The following RPH3AL variants were observed in gnomAD, a reference collection of about 807,000 sequenced individuals.
RPH3AL encodes rab effector Noc2.
A neutral mutation model predicts 43.1 loss-of-function variants in RPH3AL; 38 were observed. That is an observed-to-expected ratio of 0.88 (90% CI 0.68 to 1.15). RPH3AL has a LOEUF of 1.15. RPH3AL is among the 50% of genes most tolerant of loss of function. The probability of loss-of-function intolerance (pLI) is 0.00; values close to 1 mark genes in which losing one functional copy is unlikely to be tolerated. For synonymous variants in RPH3AL, 189 were observed against 176.3 expected, an observed-to-expected ratio of 1.07 and a Z score of -0.57; for missense variants, 462 against 423.2, an observed-to-expected ratio of 1.09 and a Z score of -0.81.
At chr17:271,820 C>T (rs903363283) in intron 6 of RPH3AL, among the ~76,000 whole-genome samples, 42 of 152,108 alleles carry the variant, frequency 2.8e-4, no homozygotes, top group African/African-American at 9.9e-4. Context: ...ATAGGAGTGG[C>T]GAGAGAGGGC....
chr17:291,292 T>C (rs1037872268), intron 5 of RPH3AL, among the ~76,000 whole-genome samples: 1 of 152,108 alleles, frequency 6.6e-6, no homozygotes, highest in Non-Finnish European at 1.5e-5. Context: ...GCAATCCCAG[T>C]GCTTTGGGAG....
chr17:290,469 G>A lies in RPH3AL; in HGVS notation c.352-8615C>T, dbSNP rs114096755. ...CTCCCCCGGGGTGCGTGCCGCGGCC[G>A]CCTATGTGTGCAGACCCGTCCCAAG... On this transcript the variant is annotated intron_variant, in intron 5 of 9. Coordinates refer to ENST00000331302, the MANE Select transcript of RPH3AL (RefSeq NM_006987.4). This position sits in a 1 kb window ranked among gnomAD's most constrained non-coding sequence, Gnocchi z 4.2. Among the ~76,000 whole-genome samples, 1,462 of 152,236 alleles carry A rather than the reference G, an allele frequency of 9.6e-3. 11 individuals are homozygous for A. Among genetic ancestry groups the A allele is most frequent in the African/African-American group, 0.033 (1,351 of 41,538 alleles).
At chr17:332,266 G>A (rs147965293) in intron 2 of RPH3AL, 2 of 275,350 alleles carry the variant, frequency 7.3e-6, no homozygotes, top group African/African-American at 4.6e-5. Flanking sequence ...GTAAGAGGCT[G>A]GGGAAGGAGG....
At chr17:266,913 T>C (rs1283835169) in intron 6 of RPH3AL, among the ~76,000 whole-genome samples, 1 of 152,252 alleles carries the variant, frequency 6.6e-6, no homozygotes, top group Non-Finnish European at 1.5e-5. Flanking sequence ...TGGCTCCCGA[T>C]GCCTGTAGGG....
intron 6 of RPH3AL, among the ~76,000 whole-genome samples, chr17:265,295 C>T (rs1555547629): frequency 1.3e-5 from 2 of 152,136 alleles, no homozygotes; most frequent in Non-Finnish European, 2.9e-5. Context: ...GAGATTTCGC[C>T]ATTTTGCCCA....
chr17:259,843 C>T (rs1338371856), intron 6 of RPH3AL, among the ~76,000 whole-genome samples: 11 of 152,242 alleles, frequency 7.2e-5, no homozygotes, highest in South Asian at 2.1e-4. Flanking sequence ...CATGGATATT[C>T]GCCAAGCTGT....
rs992819855 is a variant in RPH3AL at position 328,648 on chromosome 17, C to T, written c.-36-1069G>A. ...TCATGACCGCCAAAAGCAGAAACAA[C>T]GAAAATATCCATCAACTGATGAATG... On this transcript the variant is annotated intron_variant, in intron 2 of 9. Coordinates refer to ENST00000331302, the MANE Select transcript of RPH3AL (RefSeq NM_006987.4). This position sits in a 1 kb window ranked among gnomAD's most constrained non-coding sequence, Gnocchi z 4.2. Among the ~76,000 whole-genome samples, 7 of 152,086 alleles carry T rather than the reference C, an allele frequency of 4.6e-5. No individual in the cohort carries two copies. The highest frequency in any genetic ancestry group is 1.9e-4 in the East Asian group (1 of 5,202).
intron 6 of RPH3AL, among the ~76,000 whole-genome samples, chr17:278,256 T>C (rs1357706690): frequency 6.6e-6 from 1 of 152,194 alleles, no homozygotes; most frequent in Non-Finnish European, 1.5e-5. Context: ...TCATTCTTTC[T>C]TTGCCTGCCG....
chr17:282,850 T>C (rs919708412), intron 5 of RPH3AL, among the ~76,000 whole-genome samples: 5 of 152,256 alleles, frequency 3.3e-5, no homozygotes, highest in Non-Finnish European at 5.9e-5. Context: ...AAAGTATTCC[T>C]GTATCTAAAT....
chr17:215,028 C>T lies in RPH3AL; in HGVS notation c.876+626G>A, dbSNP rs899031640. On this transcript the variant is annotated intron_variant, in intron 9 of 9. Coordinates refer to ENST00000331302, the MANE Select transcript of RPH3AL (RefSeq NM_006987.4). The surrounding 1 kb of genome is among the most constrained non-coding windows in gnomAD (Gnocchi z 4.1). Reference sequence around the variant, plus strand: ...GGCAGGCGTTCCTGTGGGTGGCTGCCGGGTGCCCTCCACACCCCGGGGACG... The same window carrying T: ...GGCAGGCGTTCCTGTGGGTGGCTGCTGGGTGCCCTCCACACCCCGGGGACG... Among the ~76,000 whole-genome samples, 4 of 152,234 alleles carry T rather than the reference C, an allele frequency of 2.6e-5. No individual in the cohort carries two copies. The highest frequency in any genetic ancestry group is 3.4e-3 in the Middle Eastern group (1 of 292).
At chr17:316,930 T>G (rs1471197031) in intron 5 of RPH3AL, among the ~76,000 whole-genome samples, 1 of 149,850 alleles carries the variant, frequency 6.7e-6, no homozygotes, top group Non-Finnish European at 1.5e-5. Context: ...GTAGTCTCTG[T>G]GCTCCACCTC....
chr17:302,612 C>T (rs567045201), intron 5 of RPH3AL, among the ~76,000 whole-genome samples: 8 of 152,292 alleles, frequency 5.3e-5, no homozygotes, highest in East Asian at 1.9e-4. Context: ...AGGCGCCCGC[C>T]GTCGAGGGAG....
chr17:317,057 C>T (rs2044268948), intron 5 of RPH3AL, among the ~76,000 whole-genome samples: 1 of 151,176 alleles, frequency 6.6e-6, no homozygotes, highest in Non-Finnish European at 1.5e-5. Flanking sequence ...CTCTGTGCCC[C>T]ACCTCCACTG....
At chr17:241,846 T>C (rs1484308342) in intron 7 of RPH3AL, among the ~76,000 whole-genome samples, 1 of 151,920 alleles carries the variant, frequency 6.6e-6, no homozygotes, top group Admixed American at 6.6e-5. Context: ...ACTGGCATGG[T>C]GGCTCATGCT....
Position 346,268 on chromosome 17 carries a change from CTA to C in RPH3AL, c.-213+6442_-213+6443del, listed in dbSNP as rs759575101. Among the ~76,000 whole-genome samples, 8 of 135,036 alleles carry C rather than the reference CTA, an allele frequency of 5.9e-5. 1 individual carries two copies. The highest frequency in any genetic ancestry group is 1.0e-4 in the African/African-American group (4 of 39,302). 88.6% of individuals were successfully genotyped at this position (135,036 alleles called of 152,430 possible). A position where few individuals can be genotyped will look rare whatever the true frequency, so the allele number is the denominator to read the frequency against. On this transcript the variant is annotated intron_variant, in intron 1 of 9. Transcript: ENST00000331302. ...TCATAGTACTCTTTGCTAGACAGAA[CTA>C]TGTGTGTTTGGGGCCTTTTCCCGTC...
intron 5 of RPH3AL, among the ~76,000 whole-genome samples, chr17:297,224 A>C (rs1174674402): frequency 6.6e-6 from 1 of 152,114 alleles, no homozygotes; most frequent in East Asian, 1.9e-4. Context: ...CACATGCCCC[A>C]CCCAGGGCAC....
At chr17:291,411 C>T (rs1431367877) in intron 5 of RPH3AL, among the ~76,000 whole-genome samples, 1 of 152,026 alleles carries the variant, frequency 6.6e-6, no homozygotes, top group Non-Finnish European at 1.5e-5. Flanking sequence ...AATAAAATAG[C>T]AATCTTTTAT....
In RPH3AL at chr17:327,528, A is replaced by C; in HGVS notation, c.16T>G (p.Phe6Val). 1 of 1,613,854 alleles carries C rather than the reference A, an allele frequency of 6.2e-7. No individual in the cohort carries two copies. The highest frequency in any genetic ancestry group is 8.5e-7 in the Non-Finnish European group (1 of 1,179,932). Residue 6 changes from phenylalanine (F) to valine (V), a missense_variant, in exon 3 of 10, where the codon TTC becomes GTC. Coordinates refer to ENST00000331302, the MANE Select transcript of RPH3AL (RefSeq NM_006987.4). MADTI[F>V]GSGNDQWVCP... ...ACCCACTGATCATTCCCGCTGCCGA[A>C]GATGGTGTCGGCCATGGCTCGGAGC...
intron 5 of RPH3AL, among the ~76,000 whole-genome samples, chr17:282,867 T>C (rs893004140): frequency 6.6e-6 from 1 of 152,152 alleles, no homozygotes; most frequent in African/African-American, 2.4e-5. Flanking sequence ...AAATATATCA[T>C]AGAAATGGTA....
Sources: gnomAD v4.1 joint callset for allele counts (sites outside exome capture counted in the v4.1 genomes callset) on GRCh38, gnomAD v4.1.1 for gene constraint, Gnocchi (gnomAD v3.1) non-coding constraint, MANE v1.5 for transcripts, NCBI Gene and HGNC (gene_info 2026-07-23, HGNC 2026-07-21) for gene names.